FBXO3: variants seen among roughly 807,000 people sequenced by gnomAD.
FBXO3 encodes the protein F-box only protein 3.
FBXO3 carries 17 observed loss-of-function variants against 64.8 expected under a neutral mutation model. That is an observed-to-expected ratio of 0.26 (90% CI 0.18 to 0.39). FBXO3 has a LOEUF of 0.39. Among genes scored for constraint, FBXO3 ranks in the 10% least tolerant of loss-of-function variants. The pLI, the probability that FBXO3 is intolerant of heterozygous loss-of-function variation, is 1.00. For missense variants in FBXO3, 420 were observed against 589.9 expected (o/e 0.71, Z 2.98); for synonymous variants, 182 against 201.6 (o/e 0.90, Z 0.82).
At chr11:33,752,752 G>A (rs1854993781) in intron 6 of FBXO3, among the ~76,000 whole-genome samples, 1 of 151,842 alleles carries the variant, frequency 6.6e-6, no homozygotes, top group Admixed American at 6.6e-5. Context: ...ATTCATAGAA[G>A]GTATAATTTT....
chr11:33,766,730 T>G (rs973610898), intron 3 of FBXO3, among the ~76,000 whole-genome samples: 2 of 152,208 alleles, frequency 1.3e-5, no homozygotes, highest in Admixed American at 1.3e-4. Context: ...CTCTATAACC[T>G]TGCAATTGAA....
chr11:33,748,211 T>A (rs1039549215), intron 9 of FBXO3, among the ~76,000 whole-genome samples: 35 of 152,064 alleles, frequency 2.3e-4, no homozygotes, highest in Admixed American at 3.9e-4. Flanking sequence ...AGGAAAAAAA[T>A]TTGTTAAGTA....
intron 5 of FBXO3, among the ~76,000 whole-genome samples, chr11:33,754,995 T>C (rs571144686): frequency 8.9e-4 from 135 of 151,986 alleles, no homozygotes; most frequent in Middle Eastern, 3.4e-3. Context: ...CCTCCCCAAG[T>C]AGCTGGGACT....
intron 9 of FBXO3, among the ~76,000 whole-genome samples, 199 bp downstream of exon 9, chr11:33,748,578 A>G (rs1389058009): frequency 6.6e-6 from 1 of 152,264 alleles, no homozygotes; most frequent in Non-Finnish European, 1.5e-5. Flanking sequence ...AACCAGTTAA[A>G]AAAAATAAAA....
intron 5 of FBXO3, 74 bp downstream of exon 5, chr11:33,755,697 A>G: frequency 2.7e-6 from 3 of 1,101,354 alleles, no homozygotes; most frequent in Non-Finnish European, 4.2e-6. Context: ...CAATCCTGAA[A>G]ATACCTAATG....
chr11:33,759,711 GAA>G (rs1855195533), intron 3 of FBXO3, among the ~76,000 whole-genome samples: 1 of 151,962 alleles, frequency 6.6e-6, no homozygotes, highest in Non-Finnish European at 1.5e-5. Context: ...TCTGACTAAA[GAA>G]AGAGGAAAAA....
At chr11:33,750,403 G>A in intron 8 of FBXO3, 136 bp downstream of exon 8, 2 of 923,402 alleles carry the variant, frequency 2.2e-6, no homozygotes, top group Non-Finnish European at 3.2e-6. Flanking sequence ...TGTAGAAAAT[G>A]TATCCACCTT....
At chr11:33,762,275 T>C (rs1217989482) in intron 3 of FBXO3, among the ~76,000 whole-genome samples, 2 of 152,142 alleles carry the variant, frequency 1.3e-5, no homozygotes, top group African/African-American at 4.8e-5. Context: ...TGTAGAAGAT[T>C]TGAACAAGAT....
chr11:33,768,701 C>T (rs1016102184), intron 3 of FBXO3, 150 bp downstream of exon 3: 9 of 861,896 alleles, frequency 1.0e-5, no homozygotes, highest in Admixed American at 1.8e-5. Context: ...GAGTGAAGGT[C>T]CTACTTCCAT....
chr11:33,771,072 C>G (rs573699623), intron 1 of FBXO3: 1 of 351,032 alleles, frequency 2.8e-6, no homozygotes, highest in Admixed American at 4.1e-5. Flanking sequence ...TGTAATTTTT[C>G]ACAAAAATAT....
chr11:33,742,116 G>A (rs770853568), intron 10 of FBXO3, 32 bp from the exon 11 acceptor site: 5 of 1,488,326 alleles, frequency 3.4e-6, no homozygotes, highest in Admixed American at 4.8e-5. Context: ...TTGATAAGAA[G>A]AGCATCTATC....
intron 1 of FBXO3, chr11:33,774,013 A>C: frequency 5.2e-6 from 1 of 192,256 alleles, no homozygotes; most frequent in Non-Finnish European, 1.1e-5. Flanking sequence ...TGGCCGGGAC[A>C]GGGGCTTTTA....
chr11:33,761,683 G>A (rs905883419), intron 3 of FBXO3, among the ~76,000 whole-genome samples: 1 of 152,176 alleles, frequency 6.6e-6, no homozygotes, highest in Non-Finnish European at 1.5e-5. Context: ...TGGATCCTCT[G>A]CTCAGGCCCC....
intron 2 of FBXO3, among the ~76,000 whole-genome samples, chr11:33,769,215 A>T (rs1564995575): frequency 6.6e-6 from 1 of 152,164 alleles, no homozygotes; most frequent in Non-Finnish European, 1.5e-5. Flanking sequence ...TGGAATTGCT[A>T]GGCACTCATT....
chr11:33,758,312 T>A (rs1413114996), intron 4 of FBXO3, among the ~76,000 whole-genome samples, 175 bp downstream of exon 4: 1 of 152,250 alleles, frequency 6.6e-6, no homozygotes. Flanking sequence ...TATATTTATT[T>A]TGGTAAAATC....
chr11:33,742,306 T>C, intron 10 of FBXO3: 1 of 360,252 alleles, frequency 2.8e-6, no homozygotes, highest in South Asian at 1.1e-4. Flanking sequence ...TTTTTGTTGT[T>C]GTTTAATGGA....
At chr11:33,761,940 T>C (rs1187441195) in intron 3 of FBXO3, among the ~76,000 whole-genome samples, 2 of 152,230 alleles carry the variant, frequency 1.3e-5, no homozygotes, top group Admixed American at 1.3e-4. Context: ...CCAGTCCCTT[T>C]TAAAGGCTCA....
At chr11:33,769,056 AAT>A (rs1164695869) in intron 2 of FBXO3, 42 bp from the exon 3 acceptor site, 3 of 1,497,728 alleles carry the variant, frequency 2.0e-6, no homozygotes, top group Non-Finnish European at 2.7e-6. Context: ...CTTTTAAAAT[AAT>A]ATTAGCATTT....
intron 10 of FBXO3, chr11:33,746,877 T>C (rs1854825316): frequency 7.1e-7 from 1 of 1,417,758 alleles, no homozygotes; most frequent in Admixed American, 3.1e-5. Context: ...TTTCTCATAA[T>C]CTACATTTAG....
Sources: gnomAD v4.1 joint callset for allele counts (sites outside exome capture counted in the v4.1 genomes callset) on GRCh38, gnomAD v4.1.1 for gene constraint, MANE v1.5 for transcripts, NCBI Gene and HGNC (gene_info 2026-07-23, HGNC 2026-07-21) for gene names.